The following ADGRV1 variants were observed in gnomAD, a reference collection of about 807,000 sequenced individuals.
ADGRV1 encodes G-protein coupled receptor 98.
A neutral mutation model predicts 596.2 loss-of-function variants in ADGRV1; 359 were observed. The ratio of observed to expected loss-of-function variants is 0.60; its 90% CI spans 0.55 to 0.66. ADGRV1 has a LOEUF of 0.66. Among genes scored for constraint, ADGRV1 ranks in the 30% least tolerant of loss-of-function variants. ADGRV1 has a pLI of 0.00. For synonymous variants in ADGRV1, 2,681 were observed against 2,679.2 expected (o/e 1.00, Z -0.02); for missense variants, 7,274 against 7,575.6 (o/e 0.96, Z 1.48).
chr5:90,924,711 C>G (rs545403340), intron 83 of ADGRV1, among the ~76,000 whole-genome samples: 25 of 152,162 alleles, frequency 1.6e-4, no homozygotes, highest in Admixed American at 5.9e-4. Flanking sequence ...CTTGCCCATG[C>G]CTGTGTCCTG....
intron 85 of ADGRV1, among the ~76,000 whole-genome samples, chr5:91,071,841 A>AT (rs886698664): frequency 2.8e-4 from 42 of 151,546 alleles, no homozygotes; most frequent in African/African-American, 9.4e-4. Flanking sequence ...CACTCAGCTA[A>AT]TTTTTTTGTA....
In ADGRV1 at chr5:90,720,957, G is replaced by C; in HGVS notation, c.9646G>C (p.Glu3216Gln). ...CAGAGCCACCTCCATAGACATCGAA[G>C]AAGCCAATAGGACCGTGTATTTAAA... The part of the protein sequence containing the change: ...ENRATSIDIE[E>Q]ANRTVYLNVS... The change falls in exon 45 of 90, where the codon GAA becomes CAA. Residue 3216 changes from glutamate (E) to glutamine (Q), a missense_variant. Transcript: ENST00000405460. 6.2e-7 allele frequency: 1 copy of C among 1,610,824 alleles called. No homozygotes were observed. Among genetic ancestry groups the C allele is most frequent in the Non-Finnish European group, 8.5e-7 (1 of 1,178,142 alleles).
chr5:90,831,462 G>A (rs937672600), intron 77 of ADGRV1, among the ~76,000 whole-genome samples: 17 of 151,544 alleles, frequency 1.1e-4, no homozygotes, highest in Non-Finnish European at 7.4e-5. Flanking sequence ...TATATTAATG[G>A]GATACATGAG....
At position 90,658,079 on chromosome 5, in the gene ADGRV1, A is replaced by G. The variant is rs1769679992; in HGVS notation, c.4553A>G (p.Gln1518Arg). ...ATTTCTGGATATCTGGAGTTCAGAC[A>G]GGGAGAAACTAACAAATCATTCATT... ...HPISGYLEFR[Q>R]GETNKSFIIS... is the part of the protein sequence containing the mutation. The change falls in exon 21 of 90, where the codon CAG becomes CGG. Residue 1518 changes from glutamine to arginine, a missense_variant. By Grantham distance (43) the Gln-to-Arg change is conservative. Transcript: ENST00000405460. 4 of 1,614,012 alleles carry G rather than the reference A, an allele frequency of 2.5e-6. No homozygotes were observed. Among genetic ancestry groups the G allele is most frequent in the Middle Eastern group, 1.6e-4 (1 of 6,062 alleles).
chr5:90,613,383 T>C (rs1254986880), intron 1 of ADGRV1, among the ~76,000 whole-genome samples: 1 of 152,128 alleles, frequency 6.6e-6, no homozygotes, highest in Admixed American at 6.6e-5. Flanking sequence ...TTCACCTGGC[T>C]TTGGTTTAGC....
chr5:90,996,823 T>A (rs1209283212), intron 85 of ADGRV1, among the ~76,000 whole-genome samples: 1 of 152,212 alleles, frequency 6.6e-6, no homozygotes. Flanking sequence ...GTGGCCTGGA[T>A]GTGAGACATA....
chr5:90,683,879 A>G lies in ADGRV1; in HGVS notation c.5958A>G (p.Arg1986=). 2 of 1,613,486 alleles carry G rather than the reference A, an allele frequency of 1.2e-6. No homozygotes were observed. Among genetic ancestry groups the G allele is most frequent in the Non-Finnish European group, 1.7e-6 (2 of 1,179,658 alleles). Residue 1986 remains arginine (R), a synonymous_variant, in exon 28 of 90, where the codon AGA becomes AGG. Coordinates refer to ENST00000405460, the MANE Select transcript of ADGRV1 (RefSeq NM_032119.4). ...YGIFIFSEKN[R]PVKVEEATQN... ...TATTCATTTTTTCTGAGAAAAACAG[A>G]CCTGTTAAAGTTGAGGAAGCAACCC...
chr5:91,004,925 G>A (rs1171964883), intron 85 of ADGRV1, among the ~76,000 whole-genome samples: 1 of 152,158 alleles, frequency 6.6e-6, no homozygotes, highest in African/African-American at 2.4e-5. Flanking sequence ...AGAATCGACT[G>A]GGAGAGGCAA....
chr5:90,688,049 A>C (rs1169998827), intron 29 of ADGRV1, among the ~76,000 whole-genome samples: 2 of 152,134 alleles, frequency 1.3e-5, no homozygotes, highest in Non-Finnish European at 2.9e-5. Context: ...AAACTACTTT[A>C]AAGTTCATAT....
intron 42 of ADGRV1, among the ~76,000 whole-genome samples, chr5:90,715,131 C>T (rs1421104763): frequency 6.6e-6 from 1 of 152,190 alleles, no homozygotes; most frequent in Non-Finnish European, 1.5e-5. Flanking sequence ...CTTGTGTTCT[C>T]TCAAAACCAA....
intron 21 of ADGRV1, among the ~76,000 whole-genome samples, chr5:90,666,972 A>G (rs186811455): frequency 1.5e-3 from 221 of 152,262 alleles, no homozygotes; most frequent in African/African-American, 5.2e-3. Context: ...GTTTCTGCCA[A>G]GAGATCCGTT....
In ADGRV1 at chr5:91,067,269, G is replaced by A. The variant is rs1021068140; in HGVS notation, c.18153-5178G>A. On this transcript the variant is annotated intron_variant, in intron 85 of 89. Transcript: ENST00000405460. ...TGTGATTCTCCTGCCTTAGCCTTCC[G>A]AGTAGCTGGGATTAAAAGCATGTGC... 2.0e-4 allele frequency among the ~76,000 whole-genome samples: 30 copies of A among 149,854 alleles called. 1 individual carries two copies. The highest frequency in any genetic ancestry group is 6.9e-4 in the African/African-American group (28 of 40,644).
chr5:91,105,630 A>C (rs1429304715), intron 87 of ADGRV1, among the ~76,000 whole-genome samples: 1 of 152,150 alleles, frequency 6.6e-6, no homozygotes, highest in African/African-American at 2.4e-5. Context: ...CATTTGTATA[A>C]CTGTTCAGAT....
intron 10 of ADGRV1, among the ~76,000 whole-genome samples, chr5:90,636,340 G>A (rs1170110131): frequency 6.6e-6 from 1 of 152,116 alleles, no homozygotes; most frequent in African/African-American, 2.4e-5. Context: ...TGTTATCAAA[G>A]CCTTATGTTA....
At chr5:90,970,609 C>T (rs1212901070) in intron 84 of ADGRV1, among the ~76,000 whole-genome samples, 1 of 150,642 alleles carries the variant, frequency 6.6e-6, no homozygotes, top group East Asian at 2.0e-4. Context: ...TGGAGTGGAC[C>T]TCCAGCAAAC....
chr5:90,722,268 T>A (rs978174430), intron 45 of ADGRV1, among the ~76,000 whole-genome samples: 1 of 152,012 alleles, frequency 6.6e-6, no homozygotes, highest in Non-Finnish European at 1.5e-5. Context: ...GCTTGTGCAG[T>A]TGGATGGGAG....
chr5:90,801,711 A>C (rs892826269), intron 70 of ADGRV1, among the ~76,000 whole-genome samples: 1 of 152,164 alleles, frequency 6.6e-6, no homozygotes, highest in Non-Finnish European at 1.5e-5. Flanking sequence ...ACTTTACAGA[A>C]ATGGTTGATT....
intron 85 of ADGRV1, among the ~76,000 whole-genome samples, chr5:91,001,112 A>G (rs1562070913): frequency 6.6e-6 from 1 of 152,104 alleles, no homozygotes; most frequent in Non-Finnish European, 1.5e-5. Context: ...ACAGGGTCTC[A>G]TGTTGCCCAG....
intron 27 of ADGRV1, among the ~76,000 whole-genome samples, chr5:90,682,451 A>G (rs1745065800): frequency 6.6e-6 from 1 of 152,328 alleles, no homozygotes; most frequent in Non-Finnish European, 1.5e-5. Context: ...TGAACTGGCA[A>G]TAACAATAAC....
Sources: allele counts gnomAD v4.1 joint callset (sites outside exome capture counted in the v4.1 genomes callset), GRCh38; gene constraint gnomAD v4.1.1; transcripts MANE v1.5; gene names NCBI Gene and HGNC (gene_info 2026-07-23, HGNC 2026-07-21).